Variants in ENTREP2 observed in about 807,000 individuals in gnomAD.
ENTREP2 encodes the protein endosomal transmembrane epsin interactor 2.
At chr15:29,426,050 AT>A in the ENTREP2 span, among the ~76,000 whole-genome samples, 5 of 150,868 alleles carry the variant, frequency 3.3e-5, no homozygotes, top group African/African-American at 9.7e-5. Context: ...ATAATTGATT[AT>A]TTTAATAATT....
the ENTREP2 span, among the ~76,000 whole-genome samples, chr15:29,631,499 A>G: frequency 1.3e-5 from 2 of 152,150 alleles, no homozygotes; most frequent in Admixed American, 1.3e-4. Context: ...ACTGTAGTCA[A>G]GTTTGTTAGT....
the ENTREP2 span, among the ~76,000 whole-genome samples, chr15:29,583,317 G>A: frequency 1.3e-5 from 2 of 152,160 alleles, no homozygotes; most frequent in South Asian, 4.1e-4. Context: ...CCATAAAAAG[G>A]AACAAGATCA....
At chr15:29,617,701 G>C in the ENTREP2 span, among the ~76,000 whole-genome samples, 4 of 152,222 alleles carry the variant, frequency 2.6e-5, no homozygotes, top group African/African-American at 7.2e-5. Context: ...GTCACCAAAA[G>C]CAGAATTTCA....
At chr15:29,202,883 C>CCAGCCCAA in the ENTREP2 span, among the ~76,000 whole-genome samples, 1 of 152,170 alleles carries the variant, frequency 6.6e-6, no homozygotes, top group Non-Finnish European at 1.5e-5. Flanking sequence ...TCCAGTCTAT[C>CCAGCCCAA]ATTGATGGGC....
chr15:29,222,049 G>C, the ENTREP2 span, among the ~76,000 whole-genome samples: 4 of 152,118 alleles, frequency 2.6e-5, no homozygotes, highest in Admixed American at 2.0e-4. Context: ...ATAGGGGCTG[G>C]GTAAAATAAG....
chr15:29,379,007 T>C, the ENTREP2 span, among the ~76,000 whole-genome samples: 1 of 152,220 alleles, frequency 6.6e-6, no homozygotes, highest in Non-Finnish European at 1.5e-5. Context: ...GATTGCACTG[T>C]TGTGGTCAAC....
the ENTREP2 span, among the ~76,000 whole-genome samples, chr15:29,333,930 G>A: frequency 1.3e-5 from 2 of 151,886 alleles, no homozygotes; most frequent in East Asian, 3.9e-4. Flanking sequence ...AGGCAGAGAC[G>A]GGGTGATGCA....
the ENTREP2 span, among the ~76,000 whole-genome samples, chr15:29,271,116 G>T: frequency 6.6e-6 from 1 of 152,154 alleles, no homozygotes; most frequent in Non-Finnish European, 1.5e-5. Context: ...ATGAACTAAT[G>T]CAAGTATGCT....
At chr15:29,390,759 A>AAATC in the ENTREP2 span, among the ~76,000 whole-genome samples, 1 of 152,188 alleles carries the variant, frequency 6.6e-6, no homozygotes, top group African/African-American at 2.4e-5. Flanking sequence ...TTACTTCCTA[A>AAATC]AATCAAGAAT....
the ENTREP2 span, among the ~76,000 whole-genome samples, chr15:29,554,264 G>A: frequency 3.8e-4 from 56 of 149,172 alleles, no homozygotes; most frequent in Non-Finnish European, 6.8e-4. Flanking sequence ...GCAGTGAGCC[G>A]AGATCACACC....
At chr15:29,467,629 A>G in the ENTREP2 span, among the ~76,000 whole-genome samples, 12 of 152,170 alleles carry the variant, frequency 7.9e-5, no homozygotes, top group Admixed American at 5.9e-4. Flanking sequence ...TTCAATGCAC[A>G]GAGACCACCC....
chr15:29,195,237 A>G, the ENTREP2 span: 4 of 985,364 alleles, frequency 4.1e-6, no homozygotes, highest in Non-Finnish European at 4.8e-6. Flanking sequence ...GCAAAACATG[A>G]CAGGCGCTGT....
chr15:29,152,433 C>A, the ENTREP2 span, among the ~76,000 whole-genome samples: 1 of 152,278 alleles, frequency 6.6e-6, no homozygotes, highest in East Asian at 1.9e-4. Context: ...CCCCATTTAA[C>A]CCCCAGTTCT....
the ENTREP2 span, among the ~76,000 whole-genome samples, chr15:29,119,900 G>A: frequency 6.6e-6 from 1 of 152,170 alleles, no homozygotes; most frequent in African/African-American, 2.4e-5. Flanking sequence ...GGCTAGCTGA[G>A]GACATGCAGG....
the ENTREP2 span, among the ~76,000 whole-genome samples, chr15:29,352,599 A>G: frequency 6.6e-6 from 1 of 152,036 alleles, no homozygotes; most frequent in Non-Finnish European, 1.5e-5. Context: ...CAGCTCATTC[A>G]TCACCTGGCA....
At chr15:29,503,395 T>C in the ENTREP2 span, among the ~76,000 whole-genome samples, 7 of 152,148 alleles carry the variant, frequency 4.6e-5, no homozygotes, top group South Asian at 8.3e-4. Context: ...GGCAAAATCA[T>C]AGAAACAGAT....
At chr15:29,374,476 T>C in the ENTREP2 span, 1 of 152,194 alleles carries the variant, frequency 6.6e-6, no homozygotes, top group Non-Finnish European at 1.5e-5. Flanking sequence ...GAATCTTACA[T>C]TGTATAGTTC....
chr15:29,641,560 G>A, the ENTREP2 span, among the ~76,000 whole-genome samples: 6 of 152,020 alleles, frequency 3.9e-5, no homozygotes, highest in Non-Finnish European at 5.9e-5. Flanking sequence ...GGCTGGGCAC[G>A]GTGGCTCACG....
chr15:29,127,438 C>T, the ENTREP2 span, among the ~76,000 whole-genome samples: 3 of 152,178 alleles, frequency 2.0e-5, no homozygotes, highest in Admixed American at 1.3e-4. Context: ...TTTTTCCCTG[C>T]GTCTGTGAGC....
Sources: gnomAD v4.1 joint callset for allele counts (sites outside exome capture counted in the v4.1 genomes callset) on GRCh38, gnomAD v4.1.1 for gene constraint, MANE v1.5 for transcripts, NCBI Gene and HGNC (gene_info 2026-07-23, HGNC 2026-07-21) for gene names.